CWH43: variants seen among roughly 807,000 people sequenced by gnomAD.
The protein encoded by CWH43 is PGAP2-interacting protein.
A neutral mutation model predicts 85.7 loss-of-function variants in CWH43; 91 were observed. That is an observed-to-expected ratio of 1.06 (90% CI 0.90 to 1.26). The LOEUF (loss-of-function observed/expected upper bound fraction) is 1.26, where lower values mean the gene tolerates loss of function less well. CWH43 is among the 50% of genes most tolerant of loss of function. The pLI, the probability that CWH43 is intolerant of heterozygous loss-of-function variation, is 0.00. For synonymous variants in CWH43, 323 were observed against 293.6 expected (o/e 1.10, Z -1.02); for missense variants, 869 against 839.2 (o/e 1.04, Z -0.44).
At chr4:49,042,899 A>C (rs1410921689) in intron 13 of CWH43, among the ~76,000 whole-genome samples, 1 of 152,174 alleles carries the variant, frequency 6.6e-6, no homozygotes, top group Non-Finnish European at 1.5e-5. Flanking sequence ...GAATATTCTC[A>C]TGATTCTTTG....
At chr4:49,040,468 G>T (rs1201151299) in intron 13 of CWH43, among the ~76,000 whole-genome samples, 1 of 152,132 alleles carries the variant, frequency 6.6e-6, no homozygotes, top group Non-Finnish European at 1.5e-5. Context: ...TCTCATTGTG[G>T]TTTTGATTTG....
At chr4:49,020,428 T>TATATAA (rs1377765217) in intron 9 of CWH43, among the ~76,000 whole-genome samples, 53 of 69,566 alleles carry the variant, frequency 7.6e-4, no homozygotes, top group African/African-American at 1.6e-3. Context: ...TATATATATA[T>TATATAA]AAATCATATT....
chr4:48,990,210 C>G (rs1300524664), intron 2 of CWH43, among the ~76,000 whole-genome samples: 1 of 152,176 alleles, frequency 6.6e-6, no homozygotes, highest in African/African-American at 2.4e-5. Flanking sequence ...GCTTCCTATT[C>G]CCTTTTCACT....
At chr4:49,057,537 G>A (rs1390344777) in intron 15 of CWH43, among the ~76,000 whole-genome samples, 3 of 152,044 alleles carry the variant, frequency 2.0e-5, no homozygotes, top group Admixed American at 6.6e-5. Flanking sequence ...GTGATTTTGG[G>A]GTCCCAAGAT....
intron 15 of CWH43, among the ~76,000 whole-genome samples, chr4:49,060,872 A>G (rs1283313950): frequency 6.6e-6 from 1 of 152,120 alleles, no homozygotes; most frequent in Non-Finnish European, 1.5e-5. Flanking sequence ...TTCTTTTGTA[A>G]ATGTATGACA....
intron 13 of CWH43, among the ~76,000 whole-genome samples, chr4:49,044,075 A>G (rs1369694174): frequency 1.3e-5 from 2 of 152,174 alleles, no homozygotes; most frequent in African/African-American, 4.8e-5. Context: ...TTTTTTATTT[A>G]TAAGATATTT....
intron 13 of CWH43, among the ~76,000 whole-genome samples, chr4:49,040,411 T>A (rs1433058202): frequency 6.6e-6 from 1 of 152,182 alleles, no homozygotes; most frequent in Non-Finnish European, 1.5e-5. Flanking sequence ...GCACCTGTCG[T>A]TTCCTGACTT....
intron 9 of CWH43, among the ~76,000 whole-genome samples, chr4:49,026,430 G>C (rs1783918565): frequency 6.6e-6 from 1 of 152,122 alleles, no homozygotes; most frequent in South Asian, 2.1e-4. Context: ...TCATGGTGTG[G>C]GTCTCCGTGT....
chr4:48,991,232 A>G (rs1782646437), intron 2 of CWH43, among the ~76,000 whole-genome samples: 2 of 152,212 alleles, frequency 1.3e-5, no homozygotes, highest in African/African-American at 2.4e-5. Context: ...GCACGACTTT[A>G]TGAGTATACT....
chr4:49,017,417 A>C, intron 9 of CWH43, 89 bp downstream of exon 9: 1 of 913,400 alleles, frequency 1.1e-6, no homozygotes, highest in South Asian at 1.7e-5. Flanking sequence ...TTGAACCTGG[A>C]TCTGATGACT....
At chr4:49,020,206 T>G (rs992689375) in intron 9 of CWH43, among the ~76,000 whole-genome samples, 1 of 152,090 alleles carries the variant, frequency 6.6e-6, no homozygotes, top group African/African-American at 2.4e-5. Context: ...CAAAGTTCAT[T>G]GTATCATTCT....
At position 48,994,770 on chromosome 4, in the gene CWH43, A is replaced by G; in HGVS notation, c.663A>G (p.Arg221=). ...TTGGAGAAGTCTCTCTTGTTTCCAG[A>G]TGGGCAGTGAGTGGGCATCCACATC... ...WVFGEVSLVS[R]WAVSGHPHPG... Residue 221 remains arginine (R), a synonymous_variant, in exon 5 of 16, where the codon AGA becomes AGG. Transcript: ENST00000226432. The G allele has an allele frequency of 1.2e-6, 2 of 1,613,992 alleles. No individual in the cohort carries two copies. Among genetic ancestry groups the G allele is most frequent in the Non-Finnish European group, 1.7e-6 (2 of 1,180,014 alleles).
At chr4:49,042,324 G>T (rs560238642) in intron 13 of CWH43, among the ~76,000 whole-genome samples, 4 of 152,328 alleles carry the variant, frequency 2.6e-5, no homozygotes, top group Non-Finnish European at 5.9e-5. Flanking sequence ...AGCCTGTATT[G>T]CCTTGTATAA....
intron 15 of CWH43, among the ~76,000 whole-genome samples, chr4:49,051,585 A>G (rs1206196029): frequency 1.3e-5 from 2 of 151,516 alleles, no homozygotes; most frequent in African/African-American, 2.4e-5. Flanking sequence ...GTGAAATACA[A>G]TTTTTTTTTG....
chr4:49,033,149 A>G (rs1224005682), intron 12 of CWH43, among the ~76,000 whole-genome samples: 1 of 152,186 alleles, frequency 6.6e-6, no homozygotes, highest in African/African-American at 2.4e-5. Flanking sequence ...CAACCACACA[A>G]TAAACCAGAC....
chr4:49,040,641 T>C (rs1296078703), intron 13 of CWH43, among the ~76,000 whole-genome samples: 2 of 152,238 alleles, frequency 1.3e-5, no homozygotes, highest in Admixed American at 6.5e-5. Context: ...TTCTGGATAT[T>C]AGCCCTTTGT....
intron 9 of CWH43, among the ~76,000 whole-genome samples, chr4:49,018,479 A>G (rs1287547189): frequency 6.6e-6 from 1 of 152,236 alleles, no homozygotes; most frequent in Non-Finnish European, 1.5e-5. Context: ...ACTCTTACAG[A>G]TAATTCTTGA....
chr4:49,005,625 T>C (rs1466144783), intron 7 of CWH43, among the ~76,000 whole-genome samples: 1 of 149,886 alleles, frequency 6.7e-6, no homozygotes, highest in Non-Finnish European at 1.5e-5. Context: ...AGTGGTGCAG[T>C]CATAGCTCCC....
intron 9 of CWH43, among the ~76,000 whole-genome samples, chr4:49,018,302 A>AC (rs1783625492): frequency 6.6e-6 from 1 of 151,968 alleles, no homozygotes; most frequent in African/African-American, 2.4e-5. Context: ...TGATCTGGTC[A>AC]CCCCCAGGCC....
Sources: gnomAD v4.1 joint callset for allele counts (sites outside exome capture counted in the v4.1 genomes callset) on GRCh38, gnomAD v4.1.1 for gene constraint, MANE v1.5 for transcripts, NCBI Gene and HGNC (gene_info 2026-07-23, HGNC 2026-07-21) for gene names.